COA1: variants seen among roughly 807,000 people sequenced by gnomAD.
The protein encoded by COA1 is cytochrome c oxidase assembly factor 1.
A neutral mutation model predicts 16.0 loss-of-function variants in COA1; 13 were observed. The observed-to-expected ratio is 0.81, with a 90% CI of 0.53 to 1.29. The LOEUF (loss-of-function observed/expected upper bound fraction) is 1.29. Among genes scored for constraint, COA1 ranks in the 50% most tolerant of loss-of-function variants. COA1 has a pLI of 0.00. For missense variants in COA1, 179 were observed against 177.0 expected, an observed-to-expected ratio of 1.01 and a Z score of -0.06; for synonymous variants, 65 against 65.7, an observed-to-expected ratio of 0.99 and a Z score of 0.05.
downstream of COA1, among the ~76,000 whole-genome samples, chr7:43,635,935 CTTA>C (rs1231382690): frequency 2.0e-5 from 3 of 151,964 alleles, no homozygotes; most frequent in Admixed American, 6.6e-5. Flanking sequence ...GCCTTGGCGG[CTTA>C]TTATTTAATA....
chr7:43,629,247 G>A (rs951419506), intron 6 of COA1, among the ~76,000 whole-genome samples: 12 of 152,094 alleles, frequency 7.9e-5, no homozygotes, highest in Admixed American at 1.3e-4. Flanking sequence ...TAAAACAGAC[G>A]TTCTAATTTC....
chr7:43,693,143 T>C (rs1427815577), intron 1 of COA1, among the ~76,000 whole-genome samples: 3 of 152,128 alleles, frequency 2.0e-5, no homozygotes, highest in Admixed American at 6.5e-5. Context: ...TCTTCTCTCT[T>C]ACATCCCTCT....
intron 1 of COA1, among the ~76,000 whole-genome samples, chr7:43,717,635 G>T (rs1330295199): frequency 2.6e-5 from 4 of 152,122 alleles, no homozygotes; most frequent in African/African-American, 9.7e-5. Flanking sequence ...GATTTTGGGG[G>T]ACTGTCGGGA....
chr7:43,662,130 A>C (rs911750276), intron 1 of COA1, among the ~76,000 whole-genome samples: 13 of 152,258 alleles, frequency 8.5e-5, no homozygotes, highest in Non-Finnish European at 2.9e-5. Context: ...GTATCAAAGA[A>C]GATCTACAAT....
At chr7:43,691,252 A>AAAAGAAAG (rs1472363821) in intron 1 of COA1, among the ~76,000 whole-genome samples, 46 of 65,446 alleles carry the variant, frequency 7.0e-4, no homozygotes, top group Non-Finnish European at 1.1e-3. Context: ...TTGACTCAAA[A>AAAAGAAAG]AAAGAAAGAA....
intron 1 of COA1, among the ~76,000 whole-genome samples, chr7:43,653,543 C>T (rs1275505701): frequency 2.6e-5 from 4 of 152,060 alleles, no homozygotes; most frequent in Non-Finnish European, 5.9e-5. Flanking sequence ...TTTTTAACCA[C>T]ATTTTGGCTC....
intron 4 of COA1, 78 bp downstream of exon 4, chr7:43,645,173 C>T: frequency 4.2e-6 from 6 of 1,444,544 alleles, no homozygotes; most frequent in Non-Finnish European, 4.7e-6. Flanking sequence ...TCCTTAACTC[C>T]AGGACTTTCC....
In COA1 at chr7:43,691,420, A is replaced by G. The variant is rs1176188544; in HGVS notation, c.-39+38009T>C. ...GGAAGGAAGGAAGGAAGGAAGAAAG[A>G]AAAAGAAAGAAAGAAAGAAAGAAAG... On this transcript the variant is annotated intron_variant, in intron 1 of 5. Transcript: ENST00000223336. Among the ~76,000 whole-genome samples, 408 of 78,270 alleles carry G rather than the reference A, an allele frequency of 5.2e-3. 3 individuals carry two copies. Among genetic ancestry groups the G allele is most frequent in the East Asian group, 9.0e-3 (17 of 1,892 alleles). The allele number at this position is 78,270 out of a possible 152,430, so 51.3% of individuals were successfully genotyped here.
At chr7:43,624,463 C>T (rs1323355439) in intron 6 of COA1, 18 of 1,513,212 alleles carry the variant, frequency 1.2e-5, no homozygotes, top group Admixed American at 2.1e-5. Context: ...ACCTTATGCT[C>T]TAATTTTAAT....
At chr7:43,703,036 T>C (rs2094814269) in intron 1 of COA1, among the ~76,000 whole-genome samples, 1 of 152,192 alleles carries the variant, frequency 6.6e-6, no homozygotes, top group Admixed American at 6.5e-5. Context: ...AGGATTCTAG[T>C]ATGTTGTGTC....
chr7:43,617,617 T>TA (rs1229434721), intron 6 of COA1, among the ~76,000 whole-genome samples: 1 of 152,050 alleles, frequency 6.6e-6, no homozygotes, highest in Non-Finnish European at 1.5e-5. Context: ...TAGGAGTCTG[T>TA]TTTTGGTCAT....
intron 1 of COA1, among the ~76,000 whole-genome samples, chr7:43,660,564 G>A (rs1340122979): frequency 2.0e-5 from 3 of 152,174 alleles, no homozygotes; most frequent in African/African-American, 7.2e-5. Flanking sequence ...TGAGATTTGG[G>A]TTAATTGTGA....
intron 1 of COA1, chr7:43,711,430 TCTCTGGCCAGAGCGAGA>T: frequency 6.6e-6 from 1 of 151,176 alleles, no homozygotes; most frequent in African/African-American, 2.4e-5. Flanking sequence ...ATTTAGAAAA[TCTCTGGCCAGAGCGAGA>T]CTCTGTCAAA....
intron 1 of COA1, among the ~76,000 whole-genome samples, chr7:43,686,465 C>T (rs1184747012): frequency 6.6e-6 from 1 of 151,962 alleles, no homozygotes; most frequent in African/African-American, 2.4e-5. Flanking sequence ...CGCCACTGCG[C>T]CCGGCTAATT....
chr7:43,676,071 A>C (rs574594868), intron 1 of COA1, among the ~76,000 whole-genome samples: 13 of 152,294 alleles, frequency 8.5e-5, no homozygotes, highest in African/African-American at 3.1e-4. Context: ...CTAATAAAGA[A>C]ATCTCGTAAA....
At chr7:43,650,426 A>G (rs1403802476) in intron 1 of COA1, 2 of 152,278 alleles carry the variant, frequency 1.3e-5, no homozygotes, top group East Asian at 3.8e-4. Context: ...GGAAATGAAG[A>G]TAAATGAAAA....
chr7:43,686,296 G>T (rs1384650086), intron 1 of COA1, among the ~76,000 whole-genome samples: 1 of 133,064 alleles, frequency 7.5e-6, no homozygotes, highest in African/African-American at 2.9e-5. Flanking sequence ...ATGTGTTCTG[G>T]CTTTGTTTCT....
intron 1 of COA1, chr7:43,665,668 G>A (rs192747537): frequency 6.6e-6 from 1 of 152,516 alleles, no homozygotes; most frequent in African/African-American, 2.4e-5. Flanking sequence ...AGTTCCACAT[G>A]GCTGGGGAGG....
intron 1 of COA1, among the ~76,000 whole-genome samples, chr7:43,717,326 T>C (rs1474718821): frequency 6.6e-6 from 1 of 152,104 alleles, no homozygotes; most frequent in African/African-American, 2.4e-5. Context: ...CCCAAGACCA[T>C]AGGCAGCTCC....
Sources: allele counts gnomAD v4.1 joint callset (sites outside exome capture counted in the v4.1 genomes callset), GRCh38; gene constraint gnomAD v4.1.1; transcripts MANE v1.5; gene names NCBI Gene and HGNC (gene_info 2026-07-23, HGNC 2026-07-21).